The following NKAIN2 variants were observed in gnomAD, a reference collection of about 807,000 sequenced individuals.
NKAIN2 encodes sodium/potassium-transporting ATPase subunit beta-1-interacting protein 2.
Under a neutral mutation model 32.6 loss-of-function variants are expected in NKAIN2, and 14 were observed. That is an observed-to-expected ratio of 0.43 (90% CI 0.28 to 0.67). The LOEUF is 0.67. NKAIN2 is among the 30% of genes least tolerant of loss of function. NKAIN2 has a pLI of 0.17. For missense variants in NKAIN2, 198 were observed against 258.3 expected (o/e 0.77, Z 1.60); for synonymous variants, 80 against 87.2 (o/e 0.92, Z 0.46).
chr6:124,212,014 G>C (rs1791202944), intron 1 of NKAIN2, among the ~76,000 whole-genome samples: 1 of 151,964 alleles, frequency 6.6e-6, no homozygotes, highest in Non-Finnish European at 1.5e-5. Context: ...ACCTTGCTTT[G>C]TGGGATTTAC....
chr6:123,883,674 C>G (rs1773570288), intron 1 of NKAIN2, among the ~76,000 whole-genome samples: 1 of 139,202 alleles, frequency 7.2e-6, no homozygotes, highest in African/African-American at 2.7e-5. Context: ...TTTAAAAAAC[C>G]TCTTTAAAAA....
intron 1 of NKAIN2, among the ~76,000 whole-genome samples, chr6:124,145,489 TTTTTTG>T (rs142539289): frequency 0.39 from 58,952 of 150,026 alleles, 12,759 homozygotes; most frequent in Non-Finnish European, 0.49. Context: ...CTGACAAACT[TTTTTTG>T]TTTTTGTTTT....
At chr6:123,837,036 T>C (rs1462848963) in intron 1 of NKAIN2, among the ~76,000 whole-genome samples, 1 of 152,132 alleles carries the variant, frequency 6.6e-6, no homozygotes, top group Non-Finnish European at 1.5e-5. Flanking sequence ...TCATTCATAT[T>C]GTAAAAGTAG....
chr6:124,101,182 T>C (rs1784871854), intron 1 of NKAIN2, among the ~76,000 whole-genome samples: 1 of 152,194 alleles, frequency 6.6e-6, no homozygotes. Context: ...GTTGGCATTT[T>C]AGGCCCTCTA....
At chr6:124,715,881 G>A (rs1775728133) in intron 4 of NKAIN2, among the ~76,000 whole-genome samples, 1 of 152,208 alleles carries the variant, frequency 6.6e-6, no homozygotes, top group Non-Finnish European at 1.5e-5. Context: ...TTAAGGAAAT[G>A]TGGTTGATAG....
intron 3 of NKAIN2, among the ~76,000 whole-genome samples, chr6:124,565,173 C>G (rs1780862490): frequency 6.6e-6 from 1 of 152,126 alleles, no homozygotes; most frequent in Non-Finnish European, 1.5e-5. Context: ...GGTCTTAACC[C>G]TTAACTTTGC....
intron 1 of NKAIN2, among the ~76,000 whole-genome samples, chr6:123,967,412 G>T (rs1364571168): frequency 1.3e-5 from 2 of 152,174 alleles, no homozygotes; most frequent in Non-Finnish European, 2.9e-5. Flanking sequence ...CTAATAATGT[G>T]CTGAGTACTG....
chr6:124,406,129 A>G (rs565117216), intron 3 of NKAIN2, among the ~76,000 whole-genome samples: 2 of 152,182 alleles, frequency 1.3e-5, no homozygotes, highest in South Asian at 4.1e-4. Flanking sequence ...GTAAGTTTTG[A>G]CATATGTATA....
At chr6:123,824,080 A>G (rs1562201662) in intron 1 of NKAIN2, among the ~76,000 whole-genome samples, 1 of 152,182 alleles carries the variant, frequency 6.6e-6, no homozygotes, top group East Asian at 1.9e-4. Context: ...ATTTATCTGC[A>G]TGTAACTGAA....
chr6:124,712,898 A>T (rs1001655079), intron 4 of NKAIN2, among the ~76,000 whole-genome samples: 3 of 152,092 alleles, frequency 2.0e-5, no homozygotes, highest in Admixed American at 2.0e-4. Context: ...ATCTCACTAT[A>T]TAATAGAGAT....
chr6:124,545,905 T>C (rs111533262), intron 3 of NKAIN2, among the ~76,000 whole-genome samples: 1,828 of 152,180 alleles, frequency 0.012, 14 homozygotes, highest in Non-Finnish European at 0.019. Flanking sequence ...TGACAGATAC[T>C]GTATACTCTA....
chr6:123,858,528 A>G lies in NKAIN2; in HGVS notation c.54+54274A>G, dbSNP rs528828889. The stretch of plus-strand genomic sequence containing the variant: ...AAATACATATTTACATTTAAGGGAC[A>G]GGATAACATGGAGTTATAGAGGAAT... On this transcript the variant is annotated intron_variant, in intron 1 of 6. Transcript: ENST00000368417. Among the ~76,000 whole-genome samples the G allele has an allele frequency of 4.6e-5, 7 of 152,366 alleles. No individual in the cohort carries two copies. The South Asian group carries it at 1.0e-3, about 23-fold the overall frequency.
At chr6:123,828,590 T>A (rs757390119) in intron 1 of NKAIN2, among the ~76,000 whole-genome samples, 1 of 152,180 alleles carries the variant, frequency 6.6e-6, no homozygotes, top group African/African-American at 2.4e-5. Context: ...AATTATGTCT[T>A]GTTATTGAAG....
intron 1 of NKAIN2, among the ~76,000 whole-genome samples, chr6:123,879,867 C>T (rs1216068398): frequency 6.6e-6 from 1 of 152,154 alleles, no homozygotes; most frequent in East Asian, 1.9e-4. Flanking sequence ...GGCAGATGCC[C>T]TTATGACTCT....
chr6:124,048,877 G>A (rs1311894867), intron 1 of NKAIN2, among the ~76,000 whole-genome samples: 2 of 151,886 alleles, frequency 1.3e-5, no homozygotes, highest in Non-Finnish European at 2.9e-5. Flanking sequence ...GGTCTTTTTG[G>A]GTCTCTATTG....
intron 2 of NKAIN2, among the ~76,000 whole-genome samples, chr6:124,340,985 T>C (rs1798088334): frequency 6.6e-6 from 1 of 152,186 alleles, no homozygotes; most frequent in African/African-American, 2.4e-5. Flanking sequence ...TGAATACCTT[T>C]GGTATACTGT....
At chr6:124,373,318 A>G (rs887306234) in intron 3 of NKAIN2, among the ~76,000 whole-genome samples, 9 of 152,176 alleles carry the variant, frequency 5.9e-5, no homozygotes, top group Non-Finnish European at 7.4e-5. Context: ...TTGACATGAG[A>G]AAGACAGGGA....
intron 4 of NKAIN2, among the ~76,000 whole-genome samples, chr6:124,664,819 AAAAAAAAAAAAAT>A: frequency 6.7e-6 from 1 of 148,746 alleles, no homozygotes; most frequent in African/African-American, 2.5e-5. Flanking sequence ...AAAAAAAAAA[AAAAAAAAAAAAAT>A]TTCAAGTTAA....
chr6:124,168,122 A>T (rs573579569), intron 1 of NKAIN2, among the ~76,000 whole-genome samples: 1 of 152,280 alleles, frequency 6.6e-6, no homozygotes, highest in East Asian at 1.9e-4. Flanking sequence ...CTGGTTTATC[A>T]TCTCTTTGCA....
Sources: gnomAD v4.1 joint callset for allele counts (sites outside exome capture counted in the v4.1 genomes callset) on GRCh38, gnomAD v4.1.1 for gene constraint, MANE v1.5 for transcripts, NCBI Gene and HGNC (gene_info 2026-07-23, HGNC 2026-07-21) for gene names.